Variants in RALYL observed in about 807,000 individuals in gnomAD.
The protein encoded by RALYL is RNA-binding Raly-like protein.
RALYL carries 29 observed loss-of-function variants against 35.1 expected under a neutral mutation model. The observed-to-expected ratio is 0.83, with a 90% CI of 0.61 to 1.13. The LOEUF is 1.13. Among genes scored for constraint, RALYL ranks in the 50% most tolerant of loss-of-function variants. The probability of loss-of-function intolerance (pLI) is 0.00; values close to 1 mark genes in which losing one functional copy is unlikely to be tolerated. For synonymous variants in RALYL, 120 were observed against 127.6 expected (o/e 0.94, Z 0.40); for missense variants, 359 against 360.4 (o/e 1.00, Z 0.03).
chr8:84,605,306 C>T (rs1816865106), intron 2 of RALYL, among the ~76,000 whole-genome samples: 1 of 152,146 alleles, frequency 6.6e-6, no homozygotes, highest in African/African-American at 2.4e-5. Flanking sequence ...AATCAAAGAA[C>T]ATCGTCTTTT....
intron 2 of RALYL, among the ~76,000 whole-genome samples, chr8:84,646,694 G>A (rs959717730): frequency 1.3e-5 from 2 of 151,990 alleles, no homozygotes; most frequent in African/African-American, 4.8e-5. Flanking sequence ...GTTGTGGGCG[G>A]AGGGATTGGA....
intron 1 of RALYL, among the ~76,000 whole-genome samples, chr8:84,386,890 C>G (rs1349664990): frequency 6.6e-6 from 1 of 151,874 alleles, no homozygotes; most frequent in Non-Finnish European, 1.5e-5. Flanking sequence ...ACCTCAATAA[C>G]TGACACCTAT....
chr8:84,527,940 T>C (rs1243293728), intron 1 of RALYL, among the ~76,000 whole-genome samples: 2 of 152,162 alleles, frequency 1.3e-5, no homozygotes, highest in Non-Finnish European at 2.9e-5. Flanking sequence ...CCAGATGTAA[T>C]ATTGAACAAC....
At chr8:84,433,871 G>A (rs2047421761) in intron 1 of RALYL, among the ~76,000 whole-genome samples, 1 of 151,474 alleles carries the variant, frequency 6.6e-6, no homozygotes, top group Non-Finnish European at 1.5e-5. Context: ...ATAATACCAT[G>A]TGTAACATTT....
intron 2 of RALYL, among the ~76,000 whole-genome samples, chr8:84,666,337 C>T (rs374750081): frequency 2.6e-5 from 4 of 151,812 alleles, no homozygotes; most frequent in African/African-American, 7.3e-5. Flanking sequence ...AATATACATA[C>T]GAAAATGAGT....
At position 84,887,659 on chromosome 8, in the gene RALYL, G is replaced by T; in HGVS notation, c.741G>T (p.Val247=). ...ESLVLIQEEC[V]SEIADHSTEE... is the part of the protein sequence containing the mutation. ...TAGTGCTGATCCAAGAGGAATGTGT[G>T]TCAGAGATTGCAGATCACTCTACAG... is the stretch of plus-strand genomic sequence containing the variant. The change falls in exon 8 of 9, where the codon GTG becomes GTT. Residue 247 remains valine, a synonymous_variant. Coordinates refer to ENST00000521268, the MANE Select transcript of RALYL (RefSeq NM_173848.7). 6.2e-7 allele frequency: 1 copy of T among 1,613,704 alleles called. No individual in the cohort carries two copies. The highest frequency in any genetic ancestry group is 8.5e-7 in the Non-Finnish European group (1 of 1,179,732).
intron 2 of RALYL, among the ~76,000 whole-genome samples, chr8:84,727,213 T>C (rs1347709553): frequency 6.6e-6 from 1 of 150,646 alleles, no homozygotes; most frequent in East Asian, 1.9e-4. Flanking sequence ...CAAGATAATG[T>C]TATCAAATGT....
chr8:84,572,754 A>G (rs1007035304), intron 2 of RALYL, among the ~76,000 whole-genome samples: 1 of 151,852 alleles, frequency 6.6e-6, no homozygotes, highest in Admixed American at 6.6e-5. Context: ...GACATACAAG[A>G]AAATGATTCA....
At chr8:84,427,207 T>C (rs962469614) in intron 1 of RALYL, among the ~76,000 whole-genome samples, 1 of 152,236 alleles carries the variant, frequency 6.6e-6, no homozygotes, top group Non-Finnish European at 1.5e-5. Context: ...CTTGCCACAA[T>C]GGCATGTACC....
intron 2 of RALYL, among the ~76,000 whole-genome samples, chr8:84,583,631 G>A (rs1479170832): frequency 6.6e-6 from 1 of 152,042 alleles, no homozygotes; most frequent in Non-Finnish European, 1.5e-5. Flanking sequence ...TAAACTCTTT[G>A]TATTTACTGT....
intron 2 of RALYL, among the ~76,000 whole-genome samples, chr8:84,728,878 C>T (rs953001860): frequency 1.3e-5 from 2 of 152,082 alleles, no homozygotes; most frequent in Admixed American, 6.6e-5. Context: ...GTTACTGTAG[C>T]CTTGTAGTGT....
chr8:84,232,704 T>C (rs1362155462), intron 1 of RALYL, among the ~76,000 whole-genome samples: 1 of 152,152 alleles, frequency 6.6e-6, no homozygotes, highest in Non-Finnish European at 1.5e-5. Flanking sequence ...CTTCATGTTG[T>C]TTTGAAGAGA....
chr8:84,379,516 T>C (rs1412854031), intron 1 of RALYL, among the ~76,000 whole-genome samples: 1 of 151,920 alleles, frequency 6.6e-6, no homozygotes, highest in Non-Finnish European at 1.5e-5. Flanking sequence ...AAATTTTATC[T>C]GGAATAAACC....
chr8:84,269,850 T>A (rs1383660091), intron 1 of RALYL, among the ~76,000 whole-genome samples: 1 of 152,130 alleles, frequency 6.6e-6, no homozygotes, highest in East Asian at 1.9e-4. Flanking sequence ...AAACTAATAC[T>A]ATAGAAGTTT....
At chr8:84,619,520 A>G (rs933940873) in intron 2 of RALYL, among the ~76,000 whole-genome samples, 2 of 145,184 alleles carry the variant, frequency 1.4e-5, no homozygotes, top group African/African-American at 5.3e-5. Context: ...TGAATACAGC[A>G]CACTGATGGG....
At chr8:84,495,659 C>A (rs1418945673) in intron 1 of RALYL, among the ~76,000 whole-genome samples, 1 of 152,050 alleles carries the variant, frequency 6.6e-6, no homozygotes, top group Non-Finnish European at 1.5e-5. Context: ...ATTGACCTTT[C>A]ATTTTTGTTT....
At chr8:84,504,209 A>T (rs541763567) in intron 1 of RALYL, among the ~76,000 whole-genome samples, 1 of 152,170 alleles carries the variant, frequency 6.6e-6, no homozygotes, top group African/African-American at 2.4e-5. Context: ...AAGCAAATGG[A>T]TACTAAAGAG....
At chr8:84,259,878 C>A (rs1831920203) in intron 1 of RALYL, among the ~76,000 whole-genome samples, 1 of 152,146 alleles carries the variant, frequency 6.6e-6, no homozygotes, top group Non-Finnish European at 1.5e-5. Flanking sequence ...ACTGCGTTCC[C>A]TTTCAGGATC....
chr8:84,670,375 C>G (rs1168124009), intron 2 of RALYL, among the ~76,000 whole-genome samples: 1 of 152,026 alleles, frequency 6.6e-6, no homozygotes, highest in Non-Finnish European at 1.5e-5. Flanking sequence ...GTTGACTATC[C>G]CTTGAGAAAG....
Sources: gnomAD v4.1 joint callset for allele counts (sites outside exome capture counted in the v4.1 genomes callset) on GRCh38, gnomAD v4.1.1 for gene constraint, MANE v1.5 for transcripts, NCBI Gene and HGNC (gene_info 2026-07-23, HGNC 2026-07-21) for gene names.